The following EVI5 variants were observed in gnomAD, a reference collection of about 807,000 sequenced individuals.
EVI5 encodes ecotropic viral integration site 5 protein homolog.
A neutral mutation model predicts 112.0 loss-of-function variants in EVI5; 73 were observed. The observed-to-expected ratio is 0.65, with a 90% CI of 0.54 to 0.79. The LOEUF is 0.79. Ranked by LOEUF, EVI5 falls within the 30% of genes least tolerant of loss-of-function variation. The pLI, the probability that EVI5 is intolerant of heterozygous loss-of-function variation, is 0.00. For missense variants in EVI5, 900 were observed against 968.8 expected (o/e 0.93, Z 0.94); for synonymous variants, 305 against 319.9 (o/e 0.95, Z 0.50).
intron 13 of EVI5, among the ~76,000 whole-genome samples, chr1:92,656,332 CTT>C (rs1558007951): frequency 6.6e-6 from 1 of 151,992 alleles, no homozygotes; most frequent in Non-Finnish European, 1.5e-5. Context: ...AAATCTAAAA[CTT>C]TTTTGAAACA....
chr1:92,653,758 G>A (rs923452555), intron 13 of EVI5, among the ~76,000 whole-genome samples: 3 of 152,242 alleles, frequency 2.0e-5, no homozygotes, highest in Non-Finnish European at 2.9e-5. Context: ...CCAAAAAGCT[G>A]TGTGTTTTGG....
At chr1:92,548,038 C>A (rs1164812155) in intron 19 of EVI5, among the ~76,000 whole-genome samples, 1 of 152,072 alleles carries the variant, frequency 6.6e-6, no homozygotes, top group African/African-American at 2.4e-5. Context: ...GGCAGAGACA[C>A]AACAAAAAAA....
At chr1:92,617,541 C>T (rs992312215) in intron 16 of EVI5, among the ~76,000 whole-genome samples, 4 of 152,126 alleles carry the variant, frequency 2.6e-5, no homozygotes, top group African/African-American at 7.2e-5. Flanking sequence ...AGCCACCCAT[C>T]GTCGCCCAAT....
intron 3 of EVI5, chr1:92,703,856 C>T (rs1671567059): frequency 9.6e-6 from 3 of 314,112 alleles, no homozygotes; most frequent in Non-Finnish European, 1.6e-5. Context: ...TGTGTGACCT[C>T]TTAAGGTAAT....
intron 13 of EVI5, among the ~76,000 whole-genome samples, chr1:92,657,673 C>CAA (rs543863509): frequency 6.6e-6 from 1 of 150,482 alleles, no homozygotes; most frequent in African/African-American, 2.4e-5. Flanking sequence ...AACAAACAAA[C>CAA]AAAAAAAAAC....
chr1:92,605,829 A>G (rs1019842432), intron 17 of EVI5, among the ~76,000 whole-genome samples: 2 of 152,200 alleles, frequency 1.3e-5, no homozygotes, highest in Non-Finnish European at 1.5e-5. Context: ...TAAAAATAAA[A>G]AAGCTTTAAT....
At chr1:92,714,022 C>G in intron 2 of EVI5, 1 of 984,716 alleles carries the variant, frequency 1.0e-6, no homozygotes, top group Non-Finnish European at 1.2e-6. Context: ...TCTGCCAAAG[C>G]CTTTGTGATT....
chr1:92,739,309 A>G (rs939499655), intron 1 of EVI5, among the ~76,000 whole-genome samples: 1 of 149,802 alleles, frequency 6.7e-6, no homozygotes, highest in Admixed American at 6.7e-5. Flanking sequence ...ACACTTTGAA[A>G]ATGCTAAAAC....
At chr1:92,790,278 C>T (rs1685991966) in intron 1 of EVI5, among the ~76,000 whole-genome samples, 1 of 152,114 alleles carries the variant, frequency 6.6e-6, no homozygotes, top group Admixed American at 6.5e-5. Flanking sequence ...CCCTGCACTC[C>T]AGCCTGTGTG....
chr1:92,522,130 T>C (rs1457731034), intron 19 of EVI5, among the ~76,000 whole-genome samples: 1 of 152,194 alleles, frequency 6.6e-6, no homozygotes, highest in Admixed American at 6.5e-5. Context: ...CATCATCTGC[T>C]TAACTGATTT....
chr1:92,622,211 C>CTA (rs1654750813), intron 16 of EVI5: 1 of 316,322 alleles, frequency 3.2e-6, no homozygotes, highest in Non-Finnish European at 6.3e-6. Flanking sequence ...TCTATGTGAT[C>CTA]TACAGCACAA....
In EVI5 at chr1:92,563,666, AT is replaced by A. The variant is rs751095198; in HGVS notation, c.2141del (p.Asp714ValfsTer3). 6.3e-7 allele frequency: 1 copy of A among 1,598,850 alleles called. No individual in the cohort carries two copies. The highest frequency in any genetic ancestry group is 8.6e-7 in the Non-Finnish European group (1 of 1,168,552). The part of the protein sequence containing the change: ...DSNQYIGELK[D>X]QIAELNHELR... ...CCTCATGATTCAGCTCTGCTATCTG[AT>A]CTTTCAGTTCCCCAATATACTGGTT... On this transcript the variant is annotated frameshift_variant, in exon 19 of 20. Coordinates refer to ENST00000684568, the MANE Select transcript of EVI5 (RefSeq NM_001350197.2). LOFTEE classifies it high-confidence loss of function.
Position 92,733,264 on chromosome 1 carries a change from C to A in EVI5, c.149+3134G>T, listed in dbSNP as rs1676786038. 1.5e-5 allele frequency: 3 copies of A among 194,132 alleles called. No homozygotes were observed. The South Asian group carries it at 3.1e-4, about 20-fold the overall frequency. 12.0% of individuals were successfully genotyped at this position (194,132 alleles called of 1,614,324 possible). ...AATGTTGAATCTTACTTGGAATAGT[C>A]ATTCAAGGATTCGGGCCAGAAATCA... On this transcript the variant is annotated intron_variant, in intron 2 of 19. Coordinates refer to ENST00000684568, the MANE Select transcript of EVI5 (RefSeq NM_001350197.2).
Position 92,762,861 on chromosome 1 carries a change from T to G in EVI5, c.-82+21975A>C, listed in dbSNP as rs1051272764. Among the ~76,000 whole-genome samples, 4 of 152,250 alleles carry G rather than the reference T, an allele frequency of 2.6e-5. No homozygotes were observed. The South Asian group carries it at 8.3e-4, about 32-fold the overall frequency. On this transcript the variant is annotated intron_variant, in intron 1 of 19. Coordinates refer to ENST00000684568, the MANE Select transcript of EVI5 (RefSeq NM_001350197.2). ...AGGTAAGGAAGGAGAAGTTATTTAC[T>G]GGGTACAATATACACTATCCAGGTG...
At chr1:92,687,299 C>T (rs1333111497) in intron 9 of EVI5, among the ~76,000 whole-genome samples, 1 of 152,182 alleles carries the variant, frequency 6.6e-6, no homozygotes, top group African/African-American at 2.4e-5. Flanking sequence ...AAAAGATTCC[C>T]TATTTAATAA....
intron 13 of EVI5, among the ~76,000 whole-genome samples, chr1:92,646,011 C>A (rs1334766751): frequency 1.3e-5 from 2 of 152,220 alleles, no homozygotes; most frequent in Non-Finnish European, 2.9e-5. Context: ...CAAACCAGAT[C>A]ACTTGTTGTT....
In EVI5 at chr1:92,703,556, C is replaced by A. The variant is rs751785118; in HGVS notation, c.403G>T (p.Ala135Ser). Residue 135 changes from alanine (A) to serine (S), a missense_variant, in exon 4 of 20, where the codon GCA (alanine) becomes TCA (serine). Coordinates refer to ENST00000684568, the MANE Select transcript of EVI5 (RefSeq NM_001350197.2). The part of the protein sequence containing the change: ...RAIVWQLLCS[A>S]QSMPIKDQYS... ...TGATCCTTAATTGGCATACTTTGTG[C>A]ACTGCATAAAAGTTGCCAAACTATT... The A allele has an allele frequency of 1.3e-6, 2 of 1,599,702 alleles. No individual in the cohort carries two copies. Among genetic ancestry groups the A allele is most frequent in the Non-Finnish European group, 1.7e-6 (2 of 1,176,494 alleles).
chr1:92,638,957 C>T (rs1659414360), intron 13 of EVI5, among the ~76,000 whole-genome samples: 1 of 151,940 alleles, frequency 6.6e-6, no homozygotes, highest in Non-Finnish European at 1.5e-5. Context: ...TAAGAAATTC[C>T]TAGAAGAGTG....
intron 14 of EVI5, among the ~76,000 whole-genome samples, chr1:92,635,479 A>T (rs1388382316): frequency 6.6e-6 from 1 of 152,214 alleles, no homozygotes; most frequent in Non-Finnish European, 1.5e-5. Flanking sequence ...CCTCCGAGCC[A>T]GGCACAGGAC....
Sources: gnomAD v4.1 joint callset for allele counts (sites outside exome capture counted in the v4.1 genomes callset) on GRCh38, gnomAD v4.1.1 for gene constraint, MANE v1.5 for transcripts, NCBI Gene and HGNC (gene_info 2026-07-23, HGNC 2026-07-21) for gene names.